The following AK8 variants were observed in gnomAD, a reference collection of about 807,000 sequenced individuals.
AK8 encodes adenylate kinase 8, also known as ATP-AMP transphosphorylase 8.
A neutral mutation model predicts 54.6 loss-of-function variants in AK8; 44 were observed. The ratio of observed to expected loss-of-function variants is 0.81; its 90% CI spans 0.63 to 1.04. The LOEUF (loss-of-function observed/expected upper bound fraction) is 1.04. Ranked by LOEUF, AK8 falls within the 50% of genes least tolerant of loss-of-function variation. AK8 has a pLI of 0.00. For missense variants in AK8, 555 were observed against 613.6 expected (o/e 0.90, Z 1.01); for synonymous variants, 239 against 245.6 (o/e 0.97, Z 0.25).
At chr9:132,745,143 G>A (rs942729792) in intron 11 of AK8, among the ~76,000 whole-genome samples, 1 of 152,280 alleles carries the variant, frequency 6.6e-6, no homozygotes, top group East Asian at 1.9e-4. Flanking sequence ...TGAAATTAAC[G>A]AATTAATGAG....
At chr9:132,751,902 G>A (rs1347145602) in intron 11 of AK8, among the ~76,000 whole-genome samples, 4 of 151,522 alleles carry the variant, frequency 2.6e-5, no homozygotes, top group South Asian at 2.1e-4. Context: ...GTGCAGTGGC[G>A]CGATCTGGGC....
At chr9:132,828,894 ATT>A (rs529891249) in intron 5 of AK8, among the ~76,000 whole-genome samples, 168 bp from the exon 6 acceptor site, 84 of 152,168 alleles carry the variant, frequency 5.5e-4, no homozygotes, top group African/African-American at 1.9e-3. Context: ...GTAATATATT[ATT>A]ATATTCCCTT....
intron 11 of AK8, among the ~76,000 whole-genome samples, chr9:132,774,872 A>G: frequency 6.6e-6 from 1 of 152,234 alleles, no homozygotes; most frequent in East Asian, 1.9e-4. Flanking sequence ...CTTAGGCCGA[A>G]CTGTTACCGG....
At chr9:132,855,495 A>C (rs1843141076) in intron 4 of AK8, among the ~76,000 whole-genome samples, 1 of 152,192 alleles carries the variant, frequency 6.6e-6, no homozygotes, top group African/African-American at 2.4e-5. Context: ...GTCCACAGTC[A>C]GTGACCTCAT....
chr9:132,789,249 C>T (rs1015060974), intron 11 of AK8, among the ~76,000 whole-genome samples: 3 of 151,862 alleles, frequency 2.0e-5, no homozygotes, highest in South Asian at 2.1e-4. Flanking sequence ...GAGCCAAGAT[C>T]GCGCCATGCA....
At chr9:132,784,024 A>G (rs759903671) in intron 11 of AK8, among the ~76,000 whole-genome samples, 18 of 152,232 alleles carry the variant, frequency 1.2e-4, no homozygotes, top group Non-Finnish European at 2.2e-4. Context: ...CCAGAAAAAT[A>G]TTAATATATC....
intron 11 of AK8, among the ~76,000 whole-genome samples, chr9:132,786,588 T>C (rs1378070040): frequency 6.6e-6 from 1 of 152,158 alleles, no homozygotes; most frequent in African/African-American, 2.4e-5. Flanking sequence ...ATGTTGACAC[T>C]TGGTGGGAGG....
chr9:132,797,367 T>C (rs1042644739), intron 10 of AK8, among the ~76,000 whole-genome samples: 14 of 152,160 alleles, frequency 9.2e-5, no homozygotes, highest in African/African-American at 3.1e-4. Flanking sequence ...AGTTCTTTAG[T>C]TCCTCAAGCG....
In AK8 at chr9:132,860,170, C is replaced by A. The variant is rs999149709; in HGVS notation, c.333+3495G>T. 6.6e-6 allele frequency among the ~76,000 whole-genome samples: 1 copy of A among 151,996 alleles called. No individual in the cohort carries two copies. Among genetic ancestry groups the A allele is most frequent in the African/African-American group, 2.4e-5 (1 of 41,356 alleles). On this transcript the variant is annotated intron_variant, in intron 4 of 12. Transcript: ENST00000298545. The surrounding 1 kb of genome is among the most constrained non-coding windows in gnomAD (Gnocchi z 4.4). ...ACGTCTCTTCCAGCCCGGCCTGGACCCAGAAGCATCACATGTCCCTGATGG... is the reference window on the plus strand; with the variant it reads ...ACGTCTCTTCCAGCCCGGCCTGGACACAGAAGCATCACATGTCCCTGATGG...
intron 11 of AK8, among the ~76,000 whole-genome samples, chr9:132,737,405 G>C (rs757831430): frequency 1.1e-4 from 17 of 152,136 alleles, no homozygotes; most frequent in Non-Finnish European, 2.2e-4. Context: ...GCTTTTCCTT[G>C]ATACCAAAAA....
At chr9:132,878,434 C>T (rs1359877763), upstream of AK8, 2 of 1,230,814 alleles carry the variant, frequency 1.6e-6, no homozygotes, top group South Asian at 4.2e-5. This position sits in a 1 kb window ranked among gnomAD's most constrained non-coding sequence, Gnocchi z 4.7. Context: ...CTCTGCGGCT[C>T]GGGCAAGTTC....
At chr9:132,742,891 A>T (rs528427717) in intron 11 of AK8, among the ~76,000 whole-genome samples, 10 of 152,298 alleles carry the variant, frequency 6.6e-5, no homozygotes, top group African/African-American at 2.4e-4. Flanking sequence ...GGGACAGAGG[A>T]GTTCAGCAAC....
chr9:132,787,473 C>A (rs564885602), intron 11 of AK8, among the ~76,000 whole-genome samples: 2 of 152,254 alleles, frequency 1.3e-5, no homozygotes, highest in South Asian at 2.1e-4. Context: ...ACGGGAAAAT[C>A]ATTTCCAGCC....
In AK8 at chr9:132,770,926, A is replaced by G. The variant is rs1242064189; in HGVS notation, c.1121+21708T>C. 6.6e-6 allele frequency among the ~76,000 whole-genome samples: 1 copy of G among 151,996 alleles called. No homozygotes were observed. Among genetic ancestry groups the G allele is most frequent in the Non-Finnish European group, 1.5e-5 (1 of 67,990 alleles). On this transcript the variant is annotated intron_variant, in intron 11 of 12. Coordinates refer to ENST00000298545, the MANE Select transcript of AK8 (RefSeq NM_152572.3). This position sits in a 1 kb window ranked among gnomAD's most constrained non-coding sequence, Gnocchi z 4.3. ...CCCCATCTCATCTCAGTGGGGAGGGAGCAGCTGGTGGCCTCGGCAAACGCA... is the reference window on the plus strand; with the variant it reads ...CCCCATCTCATCTCAGTGGGGAGGGGGCAGCTGGTGGCCTCGGCAAACGCA...
intron 11 of AK8, among the ~76,000 whole-genome samples, chr9:132,733,504 G>A (rs149732860): frequency 1.4e-3 from 212 of 152,352 alleles, no homozygotes; most frequent in Non-Finnish European, 2.5e-3. Context: ...ACTGCTTGTC[G>A]TCATTCAAGG....
Position 132,840,406 on chromosome 9 carries a change from TCACACACACACA to T in AK8, c.403-11692_403-11681del, listed in dbSNP as rs55856402. On this transcript the variant is annotated intron_variant, in intron 5 of 12. Coordinates refer to ENST00000298545, the MANE Select transcript of AK8 (RefSeq NM_152572.3). ...GTGGGACTCAATCCCAAGTGGACAC[TCACACACACACA>T]CACACACACACACACACACACACAC... Among the ~76,000 whole-genome samples the T allele has an allele frequency of 7.7e-5, 11 of 143,132 alleles. No homozygotes were observed. The East Asian group carries it at 8.3e-4, about 11-fold the overall frequency. 93.9% of individuals were successfully genotyped at this position (143,132 alleles called of 152,430 possible). A position where few individuals can be genotyped will look rare whatever the true frequency, so the allele number is the denominator to read the frequency against.
chr9:132,736,929 A>G (rs1047984760), intron 11 of AK8, among the ~76,000 whole-genome samples: 3 of 152,126 alleles, frequency 2.0e-5, no homozygotes, highest in African/African-American at 7.2e-5. Context: ...AGGGTAGTCA[A>G]ATTCATACAG....
chr9:132,823,721 G>C (rs1011868235), intron 8 of AK8, among the ~76,000 whole-genome samples: 1 of 152,182 alleles, frequency 6.6e-6, no homozygotes, highest in Non-Finnish European at 1.5e-5. Context: ...CTACTGAATC[G>C]GGCTGAGCCT....
Position 132,727,534 on chromosome 9 carries a change from C to A in AK8, c.1122G>T (p.Arg374Ser). The change falls in exon 12 of 13, where the codon AGG (arginine) becomes AGT (serine). Residue 374 changes from arginine (R) to serine (S), a missense_variant and splice_region_variant. Arg to Ser is a moderately radical substitution (Grantham distance 110, BLOSUM62 -1). Coordinates refer to ENST00000298545, the MANE Select transcript of AK8 (RefSeq NM_152572.3). ...LLNRLGYNPNRVFFLNVPFDS... is the reference protein window; with the variant it reads ...LLNRLGYNPNSVFFLNVPFDS... Reference sequence around the variant, plus strand: ...CAAATGGCACATTCAGGAAAAACACCCTATAAGGAAATAAACCATATTAAT... The same window carrying A: ...CAAATGGCACATTCAGGAAAAACACACTATAAGGAAATAAACCATATTAAT... The A allele has an allele frequency of 1.2e-6, 2 of 1,613,040 alleles. No homozygotes were observed. The highest frequency in any genetic ancestry group is 1.1e-5 in the South Asian group (1 of 91,064).
Sources: gnomAD v4.1 joint callset for allele counts (sites outside exome capture counted in the v4.1 genomes callset) on GRCh38, gnomAD v4.1.1 for gene constraint, Gnocchi (gnomAD v3.1) non-coding constraint, MANE v1.5 for transcripts, NCBI Gene and HGNC (gene_info 2026-07-23, HGNC 2026-07-21) for gene names.